SMIM35: variants seen among roughly 807,000 people sequenced by gnomAD.
SMIM35 encodes the protein small integral membrane protein 35, also known as TMPRSS4 antisense RNA 1 (non-protein coding).
intron 4 of SMIM35, among the ~76,000 whole-genome samples, chr11:118,008,402 A>C (rs1304057625): frequency 6.6e-6 from 1 of 152,190 alleles, no homozygotes; most frequent in African/African-American, 2.4e-5. Flanking sequence ...CAGAGAGTGG[A>C]GCACCAGAGA....
At chr11:118,045,211 T>A (rs1002866815) in intron 1 of SMIM35, among the ~76,000 whole-genome samples, 1 of 152,194 alleles carries the variant, frequency 6.6e-6, no homozygotes, top group African/African-American at 2.4e-5. Flanking sequence ...TTTCTCCAGC[T>A]GGAATCAAGA....
chr11:118,059,020 G>A (rs1024492416), intron 1 of SMIM35: 1 of 152,224 alleles, frequency 6.6e-6, no homozygotes, highest in Non-Finnish European at 1.5e-5. Flanking sequence ...CTTGTCCAGA[G>A]ACAGGGACCA....
rs566651241 is a variant in SMIM35 at position 118,079,469 on chromosome 11, C to T, written c.7+7282G>A. Reference sequence around the variant, plus strand: ...CTCAGGCCCAGGCAGAGGTCAGAGCCCAAGCCCTGTCCCCGAAGGAAATGT... The same window carrying T: ...CTCAGGCCCAGGCAGAGGTCAGAGCTCAAGCCCTGTCCCCGAAGGAAATGT... On this transcript the variant is annotated intron_variant, in intron 1 of 4. Transcript: ENST00000689828. Among the ~76,000 whole-genome samples, 101 of 152,266 alleles carry T rather than the reference C, an allele frequency of 6.6e-4. 1 individual carries two copies. Among genetic ancestry groups the T allele is most frequent in the Non-Finnish European group, 1.3e-3 (89 of 68,014 alleles).
chr11:118,037,361 G>C (rs1338235573), intron 1 of SMIM35, among the ~76,000 whole-genome samples: 3 of 152,174 alleles, frequency 2.0e-5, no homozygotes, highest in African/African-American at 7.2e-5. Flanking sequence ...ACTTAACAAG[G>C]AGGTTAAGAT....
At chr11:118,037,715 A>G (rs1236357668) in intron 1 of SMIM35, among the ~76,000 whole-genome samples, 2 of 152,194 alleles carry the variant, frequency 1.3e-5, no homozygotes, top group Non-Finnish European at 2.9e-5. Flanking sequence ...GTCACCATTT[A>G]GTTCTTGAGA....
At chr11:118,057,621 A>C (rs1432024735) in intron 1 of SMIM35, among the ~76,000 whole-genome samples, 1 of 152,196 alleles carries the variant, frequency 6.6e-6, no homozygotes, top group African/African-American at 2.4e-5. Flanking sequence ...CCAGGGCTGC[A>C]GTGTTGCTGG....
At chr11:118,020,281 T>A (rs1214260430) in intron 1 of SMIM35, among the ~76,000 whole-genome samples, 1 of 152,080 alleles carries the variant, frequency 6.6e-6, no homozygotes, top group African/African-American at 2.4e-5. Flanking sequence ...ACTGACTAAA[T>A]AAATAAATAT....
intron 1 of SMIM35, among the ~76,000 whole-genome samples, chr11:118,033,454 C>T (rs1242680019): frequency 2.0e-5 from 3 of 152,150 alleles, no homozygotes; most frequent in Non-Finnish European, 4.4e-5. Context: ...CGATAAATTC[C>T]TGTGTATTTT....
chr11:118,061,545 G>A (rs567026095), intron 1 of SMIM35, among the ~76,000 whole-genome samples: 14 of 151,860 alleles, frequency 9.2e-5, no homozygotes, highest in African/African-American at 7.3e-5. Context: ...GTTACCAGAC[G>A]AACACCGTCG....
At chr11:118,016,306 G>A (rs2058182865) in intron 1 of SMIM35, among the ~76,000 whole-genome samples, 1 of 152,114 alleles carries the variant, frequency 6.6e-6, no homozygotes, top group Admixed American at 6.6e-5. Context: ...CCCTTTTTGT[G>A]GTATGAGCTC....
intron 1 of SMIM35, 37 bp from the exon 2 acceptor site, chr11:118,015,846 C>G (rs1039327510): frequency 1.8e-5 from 7 of 399,262 alleles, no homozygotes; most frequent in Non-Finnish European, 2.2e-5. Flanking sequence ...TCCCACAGCC[C>G]CCTGCATCAA....
chr11:118,020,690 TG>T (rs1399272782), intron 1 of SMIM35, among the ~76,000 whole-genome samples: 1 of 152,210 alleles, frequency 6.6e-6, no homozygotes, highest in African/African-American at 2.4e-5. Context: ...CATGTAATAG[TG>T]TTGCTGAATT....
intron 1 of SMIM35, among the ~76,000 whole-genome samples, chr11:118,044,142 G>A (rs903436968): frequency 9.9e-5 from 15 of 151,968 alleles, no homozygotes; most frequent in Middle Eastern, 3.2e-3. Context: ...GCATTGAAAT[G>A]CATTTTCTAT....
chr11:118,056,335 G>T (rs1319152947), intron 1 of SMIM35, among the ~76,000 whole-genome samples: 1 of 152,204 alleles, frequency 6.6e-6, no homozygotes, highest in Non-Finnish European at 1.5e-5. Flanking sequence ...ATCAGGAAGG[G>T]AGGGTCAGCA....
chr11:118,061,577 T>A (rs1203606042), intron 1 of SMIM35, among the ~76,000 whole-genome samples: 2 of 150,630 alleles, frequency 1.3e-5, no homozygotes, highest in Non-Finnish European at 3.0e-5. Flanking sequence ...GTGGGAGGGG[T>A]GGGGGATACT....
intron 4 of SMIM35, among the ~76,000 whole-genome samples, chr11:118,010,624 C>G (rs1176070888): frequency 6.6e-6 from 1 of 152,156 alleles, no homozygotes; most frequent in Non-Finnish European, 1.5e-5. Flanking sequence ...TGGTTGGTGT[C>G]AAGTCTCAAG....
intron 1 of SMIM35, among the ~76,000 whole-genome samples, chr11:118,062,181 T>C (rs1944403097): frequency 6.6e-6 from 1 of 152,096 alleles, no homozygotes; most frequent in African/African-American, 2.4e-5. Flanking sequence ...AATACAAAAA[T>C]TAGCTGGGCG....
chr11:118,034,888 A>T (rs2058347374), intron 1 of SMIM35, among the ~76,000 whole-genome samples: 1 of 152,174 alleles, frequency 6.6e-6, no homozygotes, highest in Non-Finnish European at 1.5e-5. Flanking sequence ...ATATGTGTCC[A>T]TTAGACTTGC....
intron 1 of SMIM35, among the ~76,000 whole-genome samples, chr11:118,026,831 A>T (rs2058278019): frequency 6.6e-6 from 1 of 152,084 alleles, no homozygotes; most frequent in Non-Finnish European, 1.5e-5. Flanking sequence ...TATAAAATGC[A>T]GGTCTTATAT....
Sources: allele counts gnomAD v4.1 joint callset (sites outside exome capture counted in the v4.1 genomes callset), GRCh38; gene constraint gnomAD v4.1.1; transcripts MANE v1.5; gene names NCBI Gene and HGNC (gene_info 2026-07-23, HGNC 2026-07-21).